Variants in CYP20A1 observed in about 807,000 individuals in gnomAD.
CYP20A1 encodes the protein cytochrome P450 20A1.
Under a neutral mutation model 61.4 loss-of-function variants are expected in CYP20A1, and 61 were observed. That is an observed-to-expected ratio of 0.99 (90% confidence interval 0.81 to 1.23). The LOEUF is 1.23. CYP20A1 is among the 50% of genes most tolerant of loss of function. The pLI is 0.00. For missense variants in CYP20A1, 530 were observed against 542.4 expected (o/e 0.98, Z 0.23); for synonymous variants, 193 against 188.2 (o/e 1.03, Z -0.21).
chr2:203,286,026 GA>G (rs1270580518), intron 9 of CYP20A1, among the ~76,000 whole-genome samples: 3 of 152,188 alleles, frequency 2.0e-5, no homozygotes, highest in African/African-American at 7.2e-5. Context: ...TAGTAGGCTT[GA>G]CCGGGCGTGG....
rs749051369 is a variant in CYP20A1 at position 203,239,077 on chromosome 2, G to T, written c.15G>T (p.Ala5=). 11 of 1,613,576 alleles carry T rather than the reference G, an allele frequency of 6.8e-6. No homozygotes were observed. The highest frequency in any genetic ancestry group is 4.0e-5 in the African/African-American group (3 of 74,932). ...GCGGCAGAACCATGTTGGACTTCGC[G>T]ATCTTCGCCGTTACCTTCTTGCTGG... MLDF[A]IFAVTFLLAL... Residue 5 remains alanine (A), a synonymous_variant, in exon 1 of 13, where the codon GCG becomes GCT. Coordinates refer to ENST00000356079, the MANE Select transcript of CYP20A1 (RefSeq NM_177538.3).
intron 1 of CYP20A1, 71 bp downstream of exon 1, chr2:203,239,205 A>G (rs1011638222): frequency 7.5e-6 from 10 of 1,333,202 alleles, no homozygotes; most frequent in African/African-American, 5.8e-5. Flanking sequence ...ATCCAGGCCA[A>G]CCTGCCCGCT....
At chr2:203,288,310 C>T (rs1033272085) in intron 9 of CYP20A1, among the ~76,000 whole-genome samples, 11 of 151,922 alleles carry the variant, frequency 7.2e-5, no homozygotes, top group African/African-American at 2.7e-4. Context: ...AAGTGATCCA[C>T]CCGCCTCTGG....
intron 1 of CYP20A1, among the ~76,000 whole-genome samples, chr2:203,245,227 C>G (rs1175691574): frequency 2.0e-5 from 3 of 151,674 alleles, no homozygotes; most frequent in African/African-American, 4.8e-5. Context: ...GGGGTTTCAC[C>G]GTGTTAGCCA....
rs917885781 is a variant in CYP20A1, at chr2:203,280,197, T to C, written c.850+84T>C. ...TGGCTCACACCTGTAATCCCAACAC[T>C]TGGGGAGGCTGAGGTGGGAGATTGC... On this transcript the variant is annotated intron_variant, in intron 8 of 12. Transcript: ENST00000356079. 4.7e-6 allele frequency: 5 copies of C among 1,069,800 alleles called. No individual in the cohort carries two copies. In the South Asian group the frequency reaches 9.1e-5, roughly 19 times the overall value. 66.3% of individuals were successfully genotyped at this position (1,069,800 alleles called of 1,614,324 possible). A position where few individuals can be genotyped will look rare whatever the true frequency, so the allele number is the denominator to read the frequency against.
At chr2:203,261,880 C>T (rs1326340081) in intron 4 of CYP20A1, among the ~76,000 whole-genome samples, 2 of 152,038 alleles carry the variant, frequency 1.3e-5, no homozygotes, top group African/African-American at 4.8e-5. Context: ...AGGTGTCTCA[C>T]CTGAGGCACA....
intron 8 of CYP20A1, among the ~76,000 whole-genome samples, chr2:203,281,379 C>A (rs1471790667): frequency 6.6e-6 from 1 of 152,086 alleles, no homozygotes; most frequent in East Asian, 1.9e-4. Flanking sequence ...TGGTGGCACA[C>A]ACTTGTAATC....
rs985633963 is a variant in CYP20A1 at position 203,296,915 on chromosome 2, A to G, written c.*7A>G. 7 of 1,485,664 alleles carry G rather than the reference A, an allele frequency of 4.7e-6. No individual in the cohort carries two copies. In the Admixed American group the frequency reaches 6.7e-5, roughly 14 times the overall value. The allele number at this position is 1,485,664 out of a possible 1,614,324, so 92.0% of individuals were successfully genotyped here. On this transcript the variant is annotated 3_prime_UTR_variant, in exon 13 of 13. Transcript: ENST00000356079. The stretch of plus-strand genomic sequence containing the variant: ...TGTCTCAAAGAGATATTAAAATTTT[A>G]TACATTTAAAATCATTGTTAAATTG...
intron 4 of CYP20A1, among the ~76,000 whole-genome samples, chr2:203,257,549 G>A (rs988302782): frequency 2.0e-5 from 3 of 151,804 alleles, no homozygotes; most frequent in Admixed American, 1.3e-4. Flanking sequence ...CAGCACTTTG[G>A]GGGGCCGACG....
At position 203,266,654 on chromosome 2, in the gene CYP20A1, C is replaced by A; in HGVS notation, c.573C>A (p.Val191=). Residue 191 remains valine, a synonymous_variant, in exon 5 of 13, where the codon GTC becomes GTA. Coordinates refer to ENST00000356079, the MANE Select transcript of CYP20A1 (RefSeq NM_177538.3). Reference sequence around the variant, plus strand: ...GTACATTTGAAGATGATCAGGAAGTCATTCGCTTCCAGAAGAATCATGGCA... The same window carrying A: ...GTACATTTGAAGATGATCAGGAAGTAATTCGCTTCCAGAAGAATCATGGCA... The part of the protein sequence containing the change: ...MGSTFEDDQE[V]IRFQKNHGTV... 1 of 1,613,928 alleles carries A rather than the reference C, an allele frequency of 6.2e-7. No individual in the cohort carries two copies. The highest frequency in any genetic ancestry group is 1.1e-5 in the South Asian group (1 of 91,046).
chr2:203,296,401 T>C (rs1436064818), intron 11 of CYP20A1, 73 bp from the exon 12 acceptor site: 5 of 846,334 alleles, frequency 5.9e-6, no homozygotes, highest in African/African-American at 1.7e-5. Context: ...GTTACATACT[T>C]GTGTTCTTTT....
rs145835239 is a variant in CYP20A1 at position 203,286,620 on chromosome 2, T to C, written c.971+888T>C. On this transcript the variant is annotated intron_variant, in intron 9 of 12. Coordinates refer to ENST00000356079, the MANE Select transcript of CYP20A1 (RefSeq NM_177538.3). ...ACTGGCTACTATATGATTTCCTTTG[T>C]GTGAAATTCTAGAAAAGGCAAACTG... Among the ~76,000 whole-genome samples the C allele has an allele frequency of 2.7e-3, 406 of 152,024 alleles. 1 individual carries two copies. The highest frequency in any genetic ancestry group is 9.4e-3 in the African/African-American group (390 of 41,520).
Position 203,295,818 on chromosome 2 carries a change from G to A in CYP20A1, c.1149-656G>A, listed in dbSNP as rs975531987. ...AAAAAAATTAGCTGGGTGTGGTGGTGTGCACCTGTAGTCCCAGCTACTTGG... is the reference window on the plus strand; with the variant it reads ...AAAAAAATTAGCTGGGTGTGGTGGTATGCACCTGTAGTCCCAGCTACTTGG... On this transcript the variant is annotated intron_variant, in intron 11 of 12. Coordinates refer to ENST00000356079, the MANE Select transcript of CYP20A1 (RefSeq NM_177538.3). 3.9e-5 allele frequency among the ~76,000 whole-genome samples: 6 copies of A among 152,146 alleles called. No homozygotes were observed. In the East Asian group the frequency reaches 7.7e-4, roughly 20 times the overall value.
chr2:203,245,187 C>T lies in CYP20A1; in HGVS notation c.73-659C>T, dbSNP rs10179675. Among the ~76,000 whole-genome samples, 938 of 151,214 alleles carry T rather than the reference C, an allele frequency of 6.2e-3. 9 individuals carry two copies. The highest frequency in any genetic ancestry group is 0.022 in the African/African-American group (906 of 41,146). On this transcript the variant is annotated intron_variant, in intron 1 of 12. Transcript: ENST00000356079. ...GACTACAGGTGTGTGCCACCACGCC[C>T]GGCTAATTTTTTATATTTTTAGTAG...
In CYP20A1 at chr2:203,292,267, C is replaced by T. The variant is rs149090400; in HGVS notation, c.1089C>T (p.Leu363=). The T allele has an allele frequency of 1.5e-5, 24 of 1,610,152 alleles. No individual in the cohort carries two copies. In the African/African-American group the frequency reaches 2.3e-4, roughly 15 times the overall value. ...IDRFIIPRET[L]VLYALGVVLQ... Reference sequence around the variant, plus strand: ...TGGATTTTTTTTTTTCACAGACCCTCGTCCTTTATGCCCTTGGTGTGGTAC... The same window carrying T: ...TGGATTTTTTTTTTTCACAGACCCTTGTCCTTTATGCCCTTGGTGTGGTAC... The change falls in exon 11 of 13, where the codon CTC becomes CTT. Residue 363 remains leucine (L), a synonymous_variant. Transcript: ENST00000356079.
rs1170410672 is a variant in CYP20A1 at position 203,297,975 on chromosome 2, ACT to A, written c.*1070_*1071del. On this transcript the variant is annotated 3_prime_UTR_variant, in exon 13 of 13. Coordinates refer to ENST00000356079, the MANE Select transcript of CYP20A1 (RefSeq NM_177538.3). ...ACTCCAGCCTGGGCCACAGAGCAAG[ACT>A]CTGTCTCAAGAAAAACAAAAAAAAA... The A allele has an allele frequency of 1.3e-5, 2 of 152,050 alleles. No individual in the cohort carries two copies. The highest frequency in any genetic ancestry group is 6.6e-5 in the Admixed American group (1 of 15,232). 9.4% of individuals were successfully genotyped at this position (152,050 alleles called of 1,614,324 possible).
intron 9 of CYP20A1, among the ~76,000 whole-genome samples, chr2:203,288,490 TATCCA>T (rs1450885488): frequency 6.6e-6 from 1 of 152,178 alleles, no homozygotes; most frequent in African/African-American, 2.4e-5. Context: ...CTTTATGTCC[TATCCA>T]ATCTGCCTCC....
chr2:203,304,596 A>G lies in CYP20A1; in HGVS notation c.*7688A>G, dbSNP rs904008463. Among the ~76,000 whole-genome samples, 5 of 152,176 alleles carry G rather than the reference A, an allele frequency of 3.3e-5. No homozygotes were observed. The highest frequency in any genetic ancestry group is 2.1e-4 in the South Asian group (1 of 4,830). On this transcript the variant is annotated 3_prime_UTR_variant, in exon 13 of 13. Coordinates refer to ENST00000356079, the MANE Select transcript of CYP20A1 (RefSeq NM_177538.3). ...CTGTTCCACATACATACATTTTTACATAGTACGTTCATTGCAGCATGAGTT... is the reference window on the plus strand; with the variant it reads ...CTGTTCCACATACATACATTTTTACGTAGTACGTTCATTGCAGCATGAGTT...
In CYP20A1 at chr2:203,304,291, C is replaced by CA. The variant is rs1341417176; in HGVS notation, c.*7384dup. On this transcript the variant is annotated 3_prime_UTR_variant, in exon 13 of 13. Coordinates refer to ENST00000356079, the MANE Select transcript of CYP20A1 (RefSeq NM_177538.3). ...GGGCTCACTACAACCTCCATCTCCCCAGTTCAAGCGATTCTCCTGCCTCAG... is the reference window on the plus strand; with the variant it reads ...GGGCTCACTACAACCTCCATCTCCCCAAGTTCAAGCGATTCTCCTGCCTCAG... Among the ~76,000 whole-genome samples the CA allele has an allele frequency of 6.6e-6, 1 of 152,122 alleles. No homozygotes were observed. Among genetic ancestry groups the CA allele is most frequent in the Non-Finnish European group, 1.5e-5 (1 of 68,010 alleles).
Sources: allele counts gnomAD v4.1 joint callset (sites outside exome capture counted in the v4.1 genomes callset), GRCh38; gene constraint gnomAD v4.1.1; transcripts MANE v1.5; gene names NCBI Gene and HGNC (gene_info 2026-07-23, HGNC 2026-07-21).